The following XIST variants were observed in gnomAD, a reference collection of about 807,000 sequenced individuals.
XIST encodes X inactive specific transcript, also known as X inactive specific transcript (non-protein coding).
At chrX:73,826,938 A>G (rs1922268598) in exon 6 of XIST, 1 of 555,606 alleles carries the variant, frequency 1.8e-6, no homozygotes, top group African/African-American at 2.3e-5. Flanking sequence ...CTTCCATCCA[A>G]CTCAGGCCTT....
chrX:73,826,551 T>C (rs767518847), exon 6 of XIST: 1 of 558,651 alleles, frequency 1.8e-6, no homozygotes, highest in Admixed American at 2.2e-5. Context: ...AAAAAGTACA[T>C]CTCAAAAGAA....
chrX:73,850,737 G>C (rs1322464872), exon 1 of XIST: 1 of 254,583 alleles, frequency 3.9e-6, no homozygotes, highest in Non-Finnish European at 7.3e-6. Context: ...GTGGGGGGTG[G>C]GGGTGGGGAG....
exon 1 of XIST, chrX:73,850,294 A>G (rs1922886813): frequency 1.8e-6 from 1 of 551,732 alleles, no homozygotes; most frequent in Non-Finnish European, 3.3e-6. Flanking sequence ...AAGGTTAAGG[A>G]ATTTGTAATG....
chrX:73,823,497 C>G (rs1260973209), exon 6 of XIST: 1 of 529,784 alleles, frequency 1.9e-6, no homozygotes, highest in Non-Finnish European at 3.4e-6. Flanking sequence ...ATCCTCAGGA[C>G]CCAGAATGGT....
chrX:73,852,183 C>T (rs1470057151), exon 1 of XIST: 1 of 546,690 alleles, frequency 1.8e-6, no homozygotes, highest in Admixed American at 2.3e-5. Context: ...ATCCGTCACC[C>T]CGATGGGCCA....
chrX:73,847,228 C>T, exon 1 of XIST: 1 of 558,164 alleles, frequency 1.8e-6, no homozygotes, highest in Non-Finnish European at 3.2e-6. Flanking sequence ...TTAGAAGCTC[C>T]TGCAGTAATG....
chrX:73,824,309 T>C (rs921571736), exon 6 of XIST: 2 of 517,261 alleles, frequency 3.9e-6, no homozygotes, highest in Non-Finnish European at 6.9e-6. Flanking sequence ...CAAATTTTCC[T>C]ACTTTATTTG....
At chrX:73,827,910 T>C (rs775697232) in exon 6 of XIST, 4 of 524,420 alleles carry the variant, frequency 7.6e-6, no homozygotes, top group African/African-American at 4.6e-5. Context: ...AAGAGAAACA[T>C]GGAAATGGGT....
exon 1 of XIST, chrX:73,841,919 T>C (rs769084054): frequency 3.4e-5 from 18 of 523,014 alleles, no homozygotes; most frequent in Non-Finnish European, 4.8e-5. Context: ...TAAAGGATTA[T>C]AAAATTTAGG....
At chrX:73,846,587 CT>C in exon 1 of XIST, 1 of 558,030 alleles carries the variant, frequency 1.8e-6, no homozygotes, top group African/African-American at 2.2e-5. Flanking sequence ...AAGATGCATG[CT>C]TGTGGTCACT....
At chrX:73,826,335 T>G (rs1488588494) in exon 6 of XIST, 1 of 557,458 alleles carries the variant, frequency 1.8e-6, no homozygotes, top group Non-Finnish European at 3.2e-6. Flanking sequence ...ATCACCTATA[T>G]GAATGTCTGC....
At position 73,835,464 on chromosome X, in the gene XIST, G is replaced by A. The variant is rs376874058; in HGVS notation, n.11406+1976C>T. On this transcript the variant is annotated intron_variant and non_coding_transcript_variant, in intron 2 of 5. Coordinates refer to ENST00000429829, the Ensembl canonical transcript of XIST. The stretch of plus-strand genomic sequence containing the variant: ...CATCAACACAGCATGTGATATTACA[G>A]ACACGCCACTCAAAAGAAACTATAA... Among the ~76,000 whole-genome samples the A allele has an allele frequency of 2.7e-4, 30 of 112,096 alleles. No homozygotes were observed. In the South Asian group the frequency reaches 0.011, roughly 42 times the overall value.
At chrX:73,843,994 A>C in exon 1 of XIST, 1 of 558,931 alleles carries the variant, frequency 1.8e-6, no homozygotes, top group Non-Finnish European at 3.2e-6. Flanking sequence ...ACAGTAATGC[A>C]AAAGAGGTAT....
chrX:73,835,762 TGA>T (rs1487899061), intron 2 of XIST, among the ~76,000 whole-genome samples: 1 of 111,877 alleles, frequency 8.9e-6, no homozygotes. Context: ...ATTCTTTTCT[TGA>T]GAGAAAACCT....
chrX:73,821,444 A>G, exon 6 of XIST: 1 of 557,268 alleles, frequency 1.8e-6, no homozygotes, highest in Non-Finnish European at 3.2e-6. Flanking sequence ...AATAAATTCC[A>G]TTCTTACCTA....
chrX:73,846,892 G>A (rs2147706532), exon 1 of XIST: 1 of 557,610 alleles, frequency 1.8e-6, no homozygotes, highest in African/African-American at 2.2e-5. Flanking sequence ...GGTGTGATAG[G>A]TCAGAAACCC....
chrX:73,831,157 C>G, exon 4 of XIST: 1 of 557,383 alleles, frequency 1.8e-6, no homozygotes. Flanking sequence ...GGGTTGTTGC[C>G]CAGTGGTAGT....
intron 5 of XIST, chrX:73,828,518 T>G (rs1200845652): frequency 1.8e-5 from 2 of 114,262 alleles, no homozygotes; most frequent in African/African-American, 6.5e-5. Context: ...TACTAGGATT[T>G]CTGGAAGAGC....
exon 1 of XIST, chrX:73,850,073 G>C: frequency 1.8e-6 from 1 of 559,118 alleles, no homozygotes. Flanking sequence ...TAGTCAATTA[G>C]TGCAGCATCA....
Sources: allele counts gnomAD v4.1 joint callset (sites outside exome capture counted in the v4.1 genomes callset), GRCh38; gene constraint gnomAD v4.1.1; transcripts MANE v1.5; gene names NCBI Gene and HGNC (gene_info 2026-07-23, HGNC 2026-07-21).